CNOT6: variants seen among roughly 807,000 people sequenced by gnomAD.
CNOT6 encodes the protein CCR4-NOT transcription complex subunit 6.
A neutral mutation model predicts 61.2 loss-of-function variants in CNOT6; 12 were observed. The observed-to-expected ratio is 0.20, with a 90% CI of 0.13 to 0.32. CNOT6 has a LOEUF of 0.32. Among genes scored for constraint, CNOT6 ranks in the 10% least tolerant of loss-of-function variants. The probability of loss-of-function intolerance (pLI) is 1.00; values close to 1 mark genes in which losing one functional copy is unlikely to be tolerated. For synonymous variants in CNOT6, 225 were observed against 240.6 expected (o/e 0.94, Z 0.60); for missense variants, 405 against 663.9 (o/e 0.61, Z 4.28).
intron 9 of CNOT6, among the ~76,000 whole-genome samples, 175 bp downstream of exon 9, chr5:180,568,178 G>A (rs7711183): frequency 1.7e-3 from 258 of 151,132 alleles, no homozygotes; most frequent in African/African-American, 5.6e-3. Flanking sequence ...AGCTTAACAT[G>A]AGAAAGCATT....
chr5:180,497,933 C>T (rs977953381), intron 1 of CNOT6, among the ~76,000 whole-genome samples: 1 of 151,668 alleles, frequency 6.6e-6, no homozygotes, highest in Non-Finnish European at 1.5e-5. Flanking sequence ...ATCCCAGCTA[C>T]TCGGGAGACT....
intron 4 of CNOT6, among the ~76,000 whole-genome samples, chr5:180,563,786 G>A (rs1760311656): frequency 1.3e-5 from 2 of 152,172 alleles, no homozygotes; most frequent in South Asian, 4.1e-4. Flanking sequence ...GCGCTGCACT[G>A]TTGTTATTTG....
At chr5:180,519,096 A>T (rs1453670119) in intron 1 of CNOT6, among the ~76,000 whole-genome samples, 1 of 152,230 alleles carries the variant, frequency 6.6e-6, no homozygotes, top group African/African-American at 2.4e-5. Flanking sequence ...AGGGAATTGT[A>T]ATCAGGGACA....
intron 2 of CNOT6, among the ~76,000 whole-genome samples, chr5:180,549,385 C>T (rs534430034): frequency 3.9e-5 from 6 of 152,290 alleles, no homozygotes; most frequent in Non-Finnish European, 8.8e-5. Flanking sequence ...CACAGTGGCT[C>T]ATGCCTGTAA....
chr5:180,566,394 A>G (rs1389401662), intron 7 of CNOT6, among the ~76,000 whole-genome samples: 1 of 152,152 alleles, frequency 6.6e-6, no homozygotes, highest in Non-Finnish European at 1.5e-5. Context: ...TCTCATAGTC[A>G]CTCATATGAT....
chr5:180,506,598 C>T (rs145791262), intron 1 of CNOT6, among the ~76,000 whole-genome samples: 81 of 152,262 alleles, frequency 5.3e-4, no homozygotes, highest in Middle Eastern at 6.8e-3. Context: ...CTTATTTTGC[C>T]GTAGCGTGTC....
At chr5:180,566,127 C>A in intron 7 of CNOT6, 150 bp downstream of exon 7, 1 of 726,890 alleles carries the variant, frequency 1.4e-6, no homozygotes, top group Non-Finnish European at 2.1e-6. Context: ...GTACTGCCTG[C>A]TTTGCTTTGC....
chr5:180,511,767 G>GA lies in CNOT6; in HGVS notation c.-3+17014dup, dbSNP rs1019858348. 3.9e-4 allele frequency among the ~76,000 whole-genome samples: 58 copies of GA among 148,620 alleles called. 1 individual carries two copies. Among genetic ancestry groups the GA allele is most frequent in the East Asian group, 1.6e-3 (8 of 5,074 alleles). ...GGCAACAGAGTGAGACCCTGTATCT[G>GA]AAAAAAAAAATAATTTTAAAAATAA... On this transcript the variant is annotated intron_variant, in intron 1 of 11. Transcript: ENST00000261951.
intron 2 of CNOT6, among the ~76,000 whole-genome samples, chr5:180,541,096 T>C (rs1759004588): frequency 6.6e-6 from 1 of 152,220 alleles, no homozygotes; most frequent in East Asian, 1.9e-4. Context: ...ACAGTTCATA[T>C]GTTTCGGTAC....
rs1322994716 is a variant in CNOT6 at position 180,577,324 on chromosome 5, A to C, written c.*3124A>C. ...AAATTAAAATTTCAAAGCTCTTTCG[A>C]GATTCAGGTTCTCAATAATAATATT... On this transcript the variant is annotated 3_prime_UTR_variant, in exon 12 of 12. Coordinates refer to ENST00000261951, the MANE Select transcript of CNOT6 (RefSeq NM_001370472.1). 1 of 152,574 alleles carries C rather than the reference A, an allele frequency of 6.6e-6. No homozygotes were observed. The highest frequency in any genetic ancestry group is 1.5e-5 in the Non-Finnish European group (1 of 68,034). The allele number at this position is 152,574 out of a possible 1,614,324, so 9.5% of individuals were successfully genotyped here. A position where few individuals can be genotyped will look rare whatever the true frequency, so the allele number is the denominator to read the frequency against.
At chr5:180,558,332 GTC>G (rs1760001483) in intron 4 of CNOT6, among the ~76,000 whole-genome samples, 1 of 152,078 alleles carries the variant, frequency 6.6e-6, no homozygotes, top group Admixed American at 6.6e-5. Flanking sequence ...TGAATGGAGA[GTC>G]TGGTGCAGGA....
At chr5:180,538,686 GTATATATATATATATA>G (rs59342527) in intron 2 of CNOT6, among the ~76,000 whole-genome samples, 4 of 85,082 alleles carry the variant, frequency 4.7e-5, no homozygotes, top group Admixed American at 1.5e-4. Flanking sequence ...TGAGAAAAAG[GTATATATATATATATA>G]TATATATATA....
intron 1 of CNOT6, among the ~76,000 whole-genome samples, chr5:180,523,443 T>A (rs1432627417): frequency 1.4e-5 from 2 of 144,966 alleles, no homozygotes; most frequent in Non-Finnish European, 3.1e-5. Flanking sequence ...AAATGTTTGA[T>A]TGTCCCTAAT....
chr5:180,531,436 G>C (rs1026466139), intron 2 of CNOT6, among the ~76,000 whole-genome samples: 5 of 151,832 alleles, frequency 3.3e-5, no homozygotes, highest in African/African-American at 1.2e-4. Flanking sequence ...GGGCGGCCGG[G>C]CAGAGACGCT....
At chr5:180,494,965 G>C (rs1345118334) in intron 1 of CNOT6, among the ~76,000 whole-genome samples, 3 of 151,526 alleles carry the variant, frequency 2.0e-5, no homozygotes, top group African/African-American at 7.3e-5. Context: ...CCCCCGGGCC[G>C]AGTCCCTGGG....
chr5:180,500,313 C>T (rs1409754912), intron 1 of CNOT6, among the ~76,000 whole-genome samples: 3 of 152,038 alleles, frequency 2.0e-5, no homozygotes, highest in South Asian at 2.1e-4. Context: ...GGTCTCTCTA[C>T]GTTGCCCGGT....
At chr5:180,513,837 G>T (rs896511400) in intron 1 of CNOT6, among the ~76,000 whole-genome samples, 13 of 151,844 alleles carry the variant, frequency 8.6e-5, no homozygotes, top group South Asian at 4.2e-4. Flanking sequence ...CCGAGTAGCT[G>T]GGACTACAGG....
intron 1 of CNOT6, among the ~76,000 whole-genome samples, chr5:180,518,419 C>G (rs1757742928): frequency 1.3e-5 from 2 of 151,888 alleles, no homozygotes; most frequent in African/African-American, 4.8e-5. Context: ...GATAATATTA[C>G]TTCTGCAACA....
intron 4 of CNOT6, among the ~76,000 whole-genome samples, chr5:180,557,190 A>G (rs1233914602): frequency 6.6e-6 from 1 of 152,234 alleles, no homozygotes; most frequent in Non-Finnish European, 1.5e-5. Flanking sequence ...TGTTACAAAT[A>G]AAGTTGCTGT....
Sources: allele counts gnomAD v4.1 joint callset (sites outside exome capture counted in the v4.1 genomes callset), GRCh38; gene constraint gnomAD v4.1.1; transcripts MANE v1.5; gene names NCBI Gene and HGNC (gene_info 2026-07-23, HGNC 2026-07-21).